Variants in FCHSD2 observed in about 807,000 individuals in gnomAD.
FCHSD2 encodes the protein F-BAR and double SH3 domains protein 2.
In FCHSD2, 38 loss-of-function variants were observed where a neutral mutation model predicts 108.1. The observed-to-expected ratio is 0.35, with a 90% CI of 0.27 to 0.46. The LOEUF (loss-of-function observed/expected upper bound fraction) is 0.46. FCHSD2 is among the 20% of genes least tolerant of loss of function. FCHSD2 has a pLI of 1.00. For synonymous variants in FCHSD2, 279 were observed against 314.7 expected (o/e 0.89, Z 1.20); for missense variants, 751 against 897.8 (o/e 0.84, Z 2.09).
At chr11:72,929,696 CTT>C in intron 8 of FCHSD2, among the ~76,000 whole-genome samples, 1 of 152,238 alleles carries the variant, frequency 6.6e-6, no homozygotes, top group South Asian at 2.1e-4. Flanking sequence ...TTTATATAGA[CTT>C]TGATTAAAAA....
intron 9 of FCHSD2, among the ~76,000 whole-genome samples, chr11:72,910,795 C>A (rs1332279288): frequency 6.7e-6 from 1 of 148,502 alleles, no homozygotes; most frequent in Non-Finnish European, 1.5e-5. Flanking sequence ...ATCCCCCTCT[C>A]CGAGAAACAC....
At chr11:73,137,786 G>A (rs907727520) in intron 2 of FCHSD2, among the ~76,000 whole-genome samples, 3 of 152,182 alleles carry the variant, frequency 2.0e-5, no homozygotes, top group African/African-American at 4.8e-5. Context: ...ACAACCTGAC[G>A]TCCCGAGTGA....
At chr11:73,071,538 A>C (rs1169855337) in intron 3 of FCHSD2, among the ~76,000 whole-genome samples, 1 of 151,306 alleles carries the variant, frequency 6.6e-6, no homozygotes, top group Non-Finnish European at 1.5e-5. Flanking sequence ...AAAAATACAA[A>C]AAAAAAAAAA....
chr11:72,984,242 C>A, intron 7 of FCHSD2, 26 bp from the exon 8 acceptor site: 2 of 1,612,040 alleles, frequency 1.2e-6, no homozygotes, highest in East Asian at 4.5e-5. Context: ...ATAAAATAAT[C>A]AGTGCAAACT....
At chr11:72,863,206 C>T (rs1302970152) in intron 13 of FCHSD2, among the ~76,000 whole-genome samples, 1 of 151,784 alleles carries the variant, frequency 6.6e-6, no homozygotes, top group Non-Finnish European at 1.5e-5. Flanking sequence ...GGATTACAGG[C>T]ATAAGCCACT....
chr11:72,988,084 G>A (rs1857343741), intron 6 of FCHSD2, among the ~76,000 whole-genome samples: 1 of 152,154 alleles, frequency 6.6e-6, no homozygotes, highest in African/African-American at 2.4e-5. Flanking sequence ...TACATTTCTT[G>A]TGAATAAAAA....
chr11:73,046,811 G>A (rs1020437450), intron 3 of FCHSD2, among the ~76,000 whole-genome samples: 4 of 152,128 alleles, frequency 2.6e-5, no homozygotes, highest in East Asian at 1.9e-4. Flanking sequence ...TTGAACTCCT[G>A]GCCAAAAACG....
intron 12 of FCHSD2, among the ~76,000 whole-genome samples, chr11:72,882,244 C>T (rs556998221): frequency 6.6e-6 from 1 of 151,768 alleles, no homozygotes; most frequent in African/African-American, 2.4e-5. Context: ...AGTTCGAGAC[C>T]AGCTTGGCCA....
chr11:72,930,128 T>C (rs900290576), intron 8 of FCHSD2, among the ~76,000 whole-genome samples: 6 of 152,202 alleles, frequency 3.9e-5, no homozygotes, highest in African/African-American at 1.2e-4. Flanking sequence ...ACTAAATCAA[T>C]TGAGGGGCCA....
chr11:73,056,873 G>C (rs1282807812), intron 3 of FCHSD2, among the ~76,000 whole-genome samples: 1 of 152,096 alleles, frequency 6.6e-6, no homozygotes, highest in Non-Finnish European at 1.5e-5. Context: ...ACAGGGTCAG[G>C]AGATTGAGAC....
At chr11:72,964,523 G>A (rs1445969002) in intron 8 of FCHSD2, among the ~76,000 whole-genome samples, 1 of 152,096 alleles carries the variant, frequency 6.6e-6, no homozygotes, top group African/African-American at 2.4e-5. Flanking sequence ...ATTCCTTAAG[G>A]GCAAGGGCTG....
intron 8 of FCHSD2, among the ~76,000 whole-genome samples, chr11:72,938,665 G>A (rs536475536): frequency 6.6e-6 from 1 of 151,524 alleles, no homozygotes; most frequent in African/African-American, 2.4e-5. Context: ...GTCTGGAGAG[G>A]GTCAATTTTC....
chr11:73,093,305 C>T (rs1332535697), intron 2 of FCHSD2, among the ~76,000 whole-genome samples: 4 of 152,202 alleles, frequency 2.6e-5, no homozygotes, highest in Admixed American at 2.0e-4. Flanking sequence ...CATAACCTTA[C>T]TGAGTAAACT....
intron 3 of FCHSD2, among the ~76,000 whole-genome samples, chr11:73,039,724 C>T (rs556444314): frequency 4.7e-4 from 72 of 152,102 alleles, no homozygotes; most frequent in African/African-American, 1.3e-3. Context: ...TCAAGGATAA[C>T]GAATGATGCA....
Position 72,984,154 on chromosome 11 carries a change from A to G in FCHSD2, c.639T>C (p.Leu213=). The G allele has an allele frequency of 6.2e-7, 1 of 1,613,478 alleles. No homozygotes were observed. Among genetic ancestry groups the G allele is most frequent in the Admixed American group, 1.7e-5 (1 of 60,028 alleles). Residue 213 remains leucine, a synonymous_variant, in exon 8 of 20, where the codon CTT becomes CTC. Transcript: ENST00000409418. ...KATHARNDYL[L]TLAAANAHQD... ...GATGTGCATTTGCTGCCGCTAGGGT[A>G]AGAAGATAATCATTCCTTGCGTGGG... is the stretch of plus-strand genomic sequence containing the variant.
chr11:73,107,792 G>A (rs1049300683), intron 2 of FCHSD2, among the ~76,000 whole-genome samples: 10 of 152,088 alleles, frequency 6.6e-5, no homozygotes, highest in African/African-American at 2.4e-4. Flanking sequence ...TCTTTTTTAT[G>A]GCTGAATAGT....
chr11:73,072,117 C>G (rs971251872), intron 3 of FCHSD2, among the ~76,000 whole-genome samples: 22 of 151,216 alleles, frequency 1.5e-4, no homozygotes, highest in South Asian at 2.1e-4. Flanking sequence ...AAAATAAAAA[C>G]GGGCATGTTC....
intron 8 of FCHSD2, among the ~76,000 whole-genome samples, chr11:72,943,277 C>T (rs900553863): frequency 6.6e-6 from 1 of 152,140 alleles, no homozygotes; most frequent in Admixed American, 6.5e-5. Flanking sequence ...ACAGGCATGA[C>T]CTACTTTGCC....
At chr11:72,890,895 A>G (rs145823087) in intron 10 of FCHSD2, among the ~76,000 whole-genome samples, 1 of 152,124 alleles carries the variant, frequency 6.6e-6, no homozygotes, top group African/African-American at 2.4e-5. Context: ...ATAATTAGGA[A>G]TTTTTTTTAA....
Sources: gnomAD v4.1 joint callset for allele counts (sites outside exome capture counted in the v4.1 genomes callset) on GRCh38, gnomAD v4.1.1 for gene constraint, MANE v1.5 for transcripts, NCBI Gene and HGNC (gene_info 2026-07-23, HGNC 2026-07-21) for gene names.